HNRNPC: variants seen among roughly 807,000 people sequenced by gnomAD.
HNRNPC encodes the protein heterogeneous nuclear ribonucleoproteins C1/C2.
In HNRNPC, 3 loss-of-function variants were observed where a neutral mutation model predicts 33.2. The observed-to-expected ratio is 0.09, with a 90% CI of 0.04 to 0.23. HNRNPC has a LOEUF of 0.23. Ranked by LOEUF, HNRNPC falls within the 10% of genes least tolerant of loss-of-function variation. HNRNPC has a pLI of 1.00. For missense variants in HNRNPC, 143 were observed against 366.7 expected (o/e 0.39, Z 4.98); for synonymous variants, 121 against 126.7 (o/e 0.96, Z 0.30).
chr14:21,258,910 TC>T (rs1877698705), intron 2 of HNRNPC, among the ~76,000 whole-genome samples: 1 of 152,196 alleles, frequency 6.6e-6, no homozygotes. Context: ...CTAATAGGTC[TC>T]CAAACTTACT....
In HNRNPC at chr14:21,213,733, T is replaced by C. The variant is rs553061505; in HGVS notation, c.366-616A>G. ...GTTGGCTGGGTATAAATACTACTGA[T>C]AAAAAATACCTCATATAAAAACAGG... On this transcript the variant is annotated intron_variant, in intron 5 of 8. Transcript: ENST00000553300. Among the ~76,000 whole-genome samples, 15 of 152,264 alleles carry C rather than the reference T, an allele frequency of 9.9e-5. No homozygotes were observed. In the South Asian group the frequency reaches 2.5e-3, roughly 25 times the overall value.
chr14:21,260,199 CAAA>C (rs539169114), intron 2 of HNRNPC, among the ~76,000 whole-genome samples: 27 of 94,958 alleles, frequency 2.8e-4, no homozygotes, highest in African/African-American at 9.6e-4. Flanking sequence ...GACTCCATCT[CAAA>C]AAAAAAAAAA....
At chr14:21,230,190 T>TA (rs1193232989) in intron 5 of HNRNPC, 129 bp downstream of exon 5, 1 of 547,200 alleles carries the variant, frequency 1.8e-6, no homozygotes, top group Non-Finnish European at 3.3e-6. Flanking sequence ...TAGAAAAAGG[T>TA]GTTTTTTTGT....
intron 2 of HNRNPC, among the ~76,000 whole-genome samples, chr14:21,251,878 G>C (rs1387348387): frequency 6.6e-6 from 1 of 151,948 alleles, no homozygotes; most frequent in East Asian, 1.9e-4. Flanking sequence ...GCCAAATTGA[G>C]TCTTGGTGTC....
At chr14:21,261,964 T>C (rs756448605) in intron 2 of HNRNPC, among the ~76,000 whole-genome samples, 3 of 152,200 alleles carry the variant, frequency 2.0e-5, no homozygotes, top group Non-Finnish European at 4.4e-5. Context: ...AATCTAGCAT[T>C]AGAACTCTAT....
intron 2 of HNRNPC, among the ~76,000 whole-genome samples, chr14:21,235,186 A>T (rs1477262427): frequency 1.3e-5 from 2 of 152,126 alleles, no homozygotes; most frequent in Non-Finnish European, 2.9e-5. Context: ...TTCTTTTAGC[A>T]TTTTGTTTCC....
intron 5 of HNRNPC, among the ~76,000 whole-genome samples, chr14:21,228,034 TAAG>T (rs746001133): frequency 1.3e-5 from 2 of 152,156 alleles, no homozygotes; most frequent in African/African-American, 4.8e-5. Context: ...TACTAGTACT[TAAG>T]AAAGTCTGCA....
intron 6 of HNRNPC, among the ~76,000 whole-genome samples, chr14:21,212,171 T>C (rs900034252): frequency 4.6e-5 from 7 of 152,130 alleles, no homozygotes; most frequent in African/African-American, 1.7e-4. Context: ...GGACAGTGAC[T>C]ATTCACACGT....
At chr14:21,266,478 T>G (rs1342360257) in intron 1 of HNRNPC, among the ~76,000 whole-genome samples, 1 of 152,062 alleles carries the variant, frequency 6.6e-6, no homozygotes, top group Admixed American at 6.6e-5. Context: ...AAATAATGTT[T>G]TCCTGATACA....
At chr14:21,247,080 G>T (rs111988484) in intron 2 of HNRNPC, among the ~76,000 whole-genome samples, 69 of 152,102 alleles carry the variant, frequency 4.5e-4, no homozygotes, top group South Asian at 6.2e-4. Flanking sequence ...TATTTTTGAG[G>T]GGGTGCTGGC....
At chr14:21,247,917 G>A (rs1046598572) in intron 2 of HNRNPC, among the ~76,000 whole-genome samples, 3 of 151,884 alleles carry the variant, frequency 2.0e-5, no homozygotes, top group East Asian at 1.9e-4. Flanking sequence ...CCAGAACATG[G>A]GAGGCGGAGG....
At chr14:21,258,859 GGAT>G (rs1023175902) in intron 2 of HNRNPC, among the ~76,000 whole-genome samples, 13 of 152,066 alleles carry the variant, frequency 8.5e-5, no homozygotes, top group African/African-American at 3.1e-4. Context: ...GTTAGGCTTG[GGAT>G]GATTATTTTC....
intron 5 of HNRNPC, among the ~76,000 whole-genome samples, chr14:21,222,758 G>C (rs1354680490): frequency 3.3e-5 from 5 of 152,106 alleles, no homozygotes; most frequent in Non-Finnish European, 1.5e-5. Flanking sequence ...GCCGGGCCTT[G>C]TGGCAGGCGC....
chr14:21,237,662 T>C (rs1471840082), intron 2 of HNRNPC, among the ~76,000 whole-genome samples: 1 of 152,240 alleles, frequency 6.6e-6, no homozygotes, highest in East Asian at 1.9e-4. Context: ...ACGCAGACTG[T>C]TGTTAGAAAT....
intron 5 of HNRNPC, among the ~76,000 whole-genome samples, chr14:21,222,487 G>A (rs184127675): frequency 6.6e-6 from 1 of 151,960 alleles, no homozygotes; most frequent in Admixed American, 6.5e-5. Context: ...ATATTTTCAT[G>A]GTTCATCCGT....
intron 5 of HNRNPC, among the ~76,000 whole-genome samples, chr14:21,221,762 TGGCTG>T (rs1250537584): frequency 2.6e-5 from 4 of 152,100 alleles, no homozygotes; most frequent in African/African-American, 9.6e-5. Flanking sequence ...AGTAAACAAA[TGGCTG>T]GGCTGGGCAC....
chr14:21,254,042 T>C (rs1246866494), intron 2 of HNRNPC, among the ~76,000 whole-genome samples: 4 of 136,494 alleles, frequency 2.9e-5, no homozygotes, highest in Admixed American at 2.4e-4. Flanking sequence ...CAGCCTGGGC[T>C]AGAGTGAGAT....
intron 5 of HNRNPC, among the ~76,000 whole-genome samples, chr14:21,220,383 A>G (rs1295597620): frequency 6.6e-6 from 1 of 151,408 alleles, no homozygotes; most frequent in Non-Finnish European, 1.5e-5. Flanking sequence ...GCCCACCACC[A>G]CGCCCAGCTA....
intron 2 of HNRNPC, among the ~76,000 whole-genome samples, chr14:21,238,981 G>A (rs1167320614): frequency 2.0e-5 from 3 of 152,066 alleles, no homozygotes; most frequent in African/African-American, 7.2e-5. Context: ...ACAAAAATCA[G>A]CCATGCGTGG....
Sources: gnomAD v4.1 joint callset for allele counts (sites outside exome capture counted in the v4.1 genomes callset) on GRCh38, gnomAD v4.1.1 for gene constraint, MANE v1.5 for transcripts, NCBI Gene and HGNC (gene_info 2026-07-23, HGNC 2026-07-21) for gene names.